The following ATP9A variants were observed in gnomAD, a reference collection of about 807,000 sequenced individuals.
The protein encoded by ATP9A is ATPase phospholipid transporting 9A.
Under a neutral mutation model 144.1 loss-of-function variants are expected in ATP9A, and 52 were observed. The ratio of observed to expected loss-of-function variants is 0.36; its 90% CI spans 0.29 to 0.45. The LOEUF (loss-of-function observed/expected upper bound fraction) is 0.45, where lower values mean the gene tolerates loss of function less well. Ranked by LOEUF, ATP9A falls within the 20% of genes least tolerant of loss-of-function variation. The pLI, the probability that ATP9A is intolerant of heterozygous loss-of-function variation, is 1.00. For synonymous variants in ATP9A, 582 were observed against 557.4 expected (o/e 1.04, Z -0.62); for missense variants, 947 against 1,392.7 (o/e 0.68, Z 5.09).
chr20:51,712,356 G>C (rs748711303), intron 4 of ATP9A, among the ~76,000 whole-genome samples: 13 of 152,176 alleles, frequency 8.5e-5, no homozygotes, highest in African/African-American at 3.1e-4. Flanking sequence ...TTACAGGCGT[G>C]AGCCACTGTA....
rs909070333 is a variant in ATP9A, at chr20:51,645,539, AC to A, written c.1507-6036del. On this transcript the variant is annotated intron_variant, in intron 14 of 27. Coordinates refer to ENST00000338821, the MANE Select transcript of ATP9A (RefSeq NM_006045.3). ...CAAACAAACAAACAAAAACAAACAA[AC>A]AAAAAAAAAACAAGAACGTTCTCAG... Among the ~76,000 whole-genome samples the A allele has an allele frequency of 1.0e-4, 12 of 114,838 alleles. 2 individuals are homozygous for A. Among genetic ancestry groups the A allele is most frequent in the East Asian group, 1.2e-3 (2 of 1,726 alleles). 75.3% of individuals were successfully genotyped at this position (114,838 alleles called of 152,430 possible). A position where few individuals can be genotyped will look rare whatever the true frequency, so the allele number is the denominator to read the frequency against.
At chr20:51,760,208 G>A (rs993994284) in intron 1 of ATP9A, among the ~76,000 whole-genome samples, 7 of 152,154 alleles carry the variant, frequency 4.6e-5, no homozygotes, top group Non-Finnish European at 7.3e-5. Flanking sequence ...GCCTCCAGGC[G>A]TGAGTTACAG....
intron 11 of ATP9A, among the ~76,000 whole-genome samples, chr20:51,673,792 A>G (rs1418339070): frequency 2.0e-5 from 3 of 152,076 alleles, no homozygotes; most frequent in Non-Finnish European, 4.4e-5. Flanking sequence ...GCTCACACCT[A>G]CAATCCCAGT....
intron 1 of ATP9A, among the ~76,000 whole-genome samples, chr20:51,744,803 T>C (rs1375192218): frequency 6.6e-6 from 1 of 152,208 alleles, no homozygotes; most frequent in Admixed American, 6.5e-5. Flanking sequence ...GTCTCAGCAT[T>C]GACGCTGGGC....
chr20:51,648,087 T>G (rs1377520509), intron 14 of ATP9A, among the ~76,000 whole-genome samples: 2 of 152,144 alleles, frequency 1.3e-5, no homozygotes, highest in African/African-American at 4.8e-5. Flanking sequence ...CTCCTAAATC[T>G]TTCTGCTTCA....
intron 3 of ATP9A, among the ~76,000 whole-genome samples, chr20:51,717,995 C>T (rs1368703702): frequency 2.0e-5 from 3 of 151,448 alleles, no homozygotes; most frequent in Non-Finnish European, 2.9e-5. Flanking sequence ...GTATGCCAAA[C>T]ATGGCTAAGG....
At chr20:51,646,876 G>A (rs1281769326) in intron 14 of ATP9A, among the ~76,000 whole-genome samples, 1 of 151,960 alleles carries the variant, frequency 6.6e-6, no homozygotes. Context: ...CAACACCTTG[G>A]GAGGCTGAAG....
At chr20:51,759,669 G>T (rs1262812312) in intron 1 of ATP9A, among the ~76,000 whole-genome samples, 4 of 151,738 alleles carry the variant, frequency 2.6e-5, no homozygotes, top group Non-Finnish European at 5.9e-5. Flanking sequence ...GCAAGATTCT[G>T]TCACAAAAAT....
intron 22 of ATP9A, 39 bp from the exon 23 acceptor site, chr20:51,613,871 G>C: frequency 6.3e-7 from 1 of 1,582,708 alleles, no homozygotes; most frequent in Non-Finnish European, 8.6e-7. Context: ...AGAAGCACAA[G>C]AGGTCAGGGC....
intron 22 of ATP9A, among the ~76,000 whole-genome samples, chr20:51,616,689 G>C (rs968059830): frequency 6.6e-6 from 1 of 152,126 alleles, no homozygotes; most frequent in Non-Finnish European, 1.5e-5. Context: ...TCACAAATTA[G>C]GGCCGAGTAA....
At chr20:51,604,585 ACT>A (rs1435926743) in intron 27 of ATP9A, among the ~76,000 whole-genome samples, 5 of 152,258 alleles carry the variant, frequency 3.3e-5, no homozygotes, top group Admixed American at 2.0e-4. Context: ...AAACAAAAAC[ACT>A]GTCTACTGCA....
rs201342511 is a variant in ATP9A at position 51,687,763 on chromosome 20, C to CA, written c.799+1300dup. Among the ~76,000 whole-genome samples, 156 of 129,946 alleles carry CA rather than the reference C, an allele frequency of 1.2e-3. 1 individual carries two copies. The highest frequency in any genetic ancestry group is 4.0e-3 in the Middle Eastern group (1 of 252). 85.2% of individuals were successfully genotyped at this position (129,946 alleles called of 152,430 possible). On this transcript the variant is annotated intron_variant, in intron 9 of 27. Coordinates refer to ENST00000338821, the MANE Select transcript of ATP9A (RefSeq NM_006045.3). ...TGGGCAACAGAATGAGACCCTGTCT[C>CA]AAAAAAAAAAAAAATGAATGAATGA...
At chr20:51,664,555 C>T (rs2426368) in intron 13 of ATP9A, among the ~76,000 whole-genome samples, 74,337 of 151,518 alleles carry the variant, frequency 0.49, 18,932 homozygotes, top group East Asian at 0.79. Context: ...ACCACTGCAC[C>T]GTAGTCTGGG....
intron 4 of ATP9A, among the ~76,000 whole-genome samples, chr20:51,702,362 G>C (rs1456799071): frequency 1.6e-5 from 2 of 127,792 alleles, no homozygotes; most frequent in African/African-American, 6.5e-5. Context: ...TGGTGTGTGT[G>C]TTCGTGTGTG....
At position 51,655,499 on chromosome 20, in the gene ATP9A, T is replaced by C. The variant is rs550515797; in HGVS notation, c.1506+1439A>G. Among the ~76,000 whole-genome samples the C allele has an allele frequency of 6.6e-3, 965 of 145,830 alleles. 15 individuals carry two copies. Among genetic ancestry groups the C allele is most frequent in the African/African-American group, 0.023 (924 of 40,050 alleles). On this transcript the variant is annotated intron_variant, in intron 14 of 27. Coordinates refer to ENST00000338821, the MANE Select transcript of ATP9A (RefSeq NM_006045.3). ...TGGATAGACATTTTTCCAAAGAAGATAAACAAATGGCCAATAAGCATACGA... is the reference window on the plus strand; with the variant it reads ...TGGATAGACATTTTTCCAAAGAAGACAAACAAATGGCCAATAAGCATACGA...
At chr20:51,765,191 T>A (rs1306169868) in intron 1 of ATP9A, among the ~76,000 whole-genome samples, 4 of 152,130 alleles carry the variant, frequency 2.6e-5, no homozygotes, top group Admixed American at 2.0e-4. Flanking sequence ...CAGCCCCTAG[T>A]TCTATTTCAG....
chr20:51,717,615 G>A lies in ATP9A; in HGVS notation c.328-4541C>T, dbSNP rs149095076. Among the ~76,000 whole-genome samples the A allele has an allele frequency of 2.2e-3, 309 of 142,808 alleles. 1 individual carries two copies. The highest frequency in any genetic ancestry group is 7.1e-3 in the African/African-American group (292 of 41,050). 93.7% of individuals were successfully genotyped at this position (142,808 alleles called of 152,430 possible). ...AAAACAGGCCAGTCAGGAGACAGCA[G>A]AGGTGGGAGTAGGGGCAGAGAAGGC... On this transcript the variant is annotated intron_variant, in intron 3 of 27. Transcript: ENST00000338821.
chr20:51,762,385 A>G (rs2077884588), intron 1 of ATP9A, among the ~76,000 whole-genome samples: 1 of 151,644 alleles, frequency 6.6e-6, no homozygotes, highest in Non-Finnish European at 1.5e-5. Flanking sequence ...AGTCCCAGCT[A>G]CTCCGGAGGC....
At chr20:51,730,067 T>C in intron 1 of ATP9A, 89 bp from the exon 2 acceptor site, 2 of 1,331,918 alleles carry the variant, frequency 1.5e-6, no homozygotes, top group Non-Finnish European at 2.0e-6. Flanking sequence ...TGCTTTTCTC[T>C]ACAGCATCTT....
Sources: allele counts gnomAD v4.1 joint callset (sites outside exome capture counted in the v4.1 genomes callset), GRCh38; gene constraint gnomAD v4.1.1; transcripts MANE v1.5; gene names NCBI Gene and HGNC (gene_info 2026-07-23, HGNC 2026-07-21).